The following BACE1 variants were observed in gnomAD, a reference collection of about 807,000 sequenced individuals.
BACE1 encodes APP beta-secretase.
Under a neutral mutation model 54.0 loss-of-function variants are expected in BACE1, and 21 were observed. The ratio of observed to expected loss-of-function variants is 0.39; its 90% CI spans 0.28 to 0.56. BACE1 has a LOEUF of 0.56. Ranked by LOEUF, BACE1 falls within the 20% of genes least tolerant of loss-of-function variation. BACE1 has a pLI of 0.63. For synonymous variants in BACE1, 232 were observed against 260.9 expected (o/e 0.89, Z 1.07); for missense variants, 511 against 661.2 (o/e 0.77, Z 2.49).
intron 5 of BACE1, 122 bp from the exon 6 acceptor site, chr11:117,291,935 G>T: frequency 1.6e-6 from 1 of 612,310 alleles, no homozygotes; most frequent in Admixed American, 2.5e-5. Flanking sequence ...CCTCCTAAGT[G>T]TACCTGCTTG....
At chr11:117,296,229 C>G (rs1216949341) in intron 2 of BACE1, among the ~76,000 whole-genome samples, 1 of 151,548 alleles carries the variant, frequency 6.6e-6, no homozygotes. Flanking sequence ...ATCTTAAAGC[C>G]CACTTCAACC....
chr11:117,310,321 A>G (rs553557459), intron 1 of BACE1, among the ~76,000 whole-genome samples: 17 of 152,188 alleles, frequency 1.1e-4, no homozygotes, highest in Non-Finnish European at 2.2e-4. Flanking sequence ...CATTCACTCA[A>G]TGTTTTTTAG....
At chr11:117,296,249 C>G (rs2034596068) in intron 2 of BACE1, among the ~76,000 whole-genome samples, 1 of 151,858 alleles carries the variant, frequency 6.6e-6, no homozygotes, top group Non-Finnish European at 1.5e-5. Context: ...CCCCCTTTCA[C>G]CAGTCCCCCA....
At chr11:117,312,596 G>A (rs928623845) in intron 1 of BACE1, among the ~76,000 whole-genome samples, 3 of 152,064 alleles carry the variant, frequency 2.0e-5, no homozygotes, top group African/African-American at 7.2e-5. Flanking sequence ...CCGAGTAGCT[G>A]GGATTATAGG....
intron 1 of BACE1, among the ~76,000 whole-genome samples, chr11:117,308,021 G>C (rs930803743): frequency 1.4e-5 from 2 of 139,092 alleles, no homozygotes; most frequent in African/African-American, 5.4e-5. Context: ...TAAAAGCAAA[G>C]TTATCCTGGG....
In BACE1 at chr11:117,296,964, G is replaced by C; in HGVS notation, c.262-3C>G. The stretch of plus-strand genomic sequence containing the variant: ...CCTGTATCCACCAGGATGTTGAGCT[G>C]TCAGAGAAAGGGGAGAGAAAAGACA... On this transcript the variant is annotated splice_region_variant and splice_polypyrimidine_tract_variant and intron_variant, in intron 1 of 8. Transcript: ENST00000313005. The C allele has an allele frequency of 6.2e-7, 1 of 1,612,440 alleles. No homozygotes were observed. Among genetic ancestry groups the C allele is most frequent in the Non-Finnish European group, 8.5e-7 (1 of 1,178,738 alleles).
intron 2 of BACE1, chr11:117,295,567 A>C: frequency 6.5e-7 from 1 of 1,535,506 alleles, no homozygotes; most frequent in Non-Finnish European, 8.7e-7. Flanking sequence ...TTGCTCTCCT[A>C]TCTATTGCTC....
intron 7 of BACE1, 22 bp from the exon 8 acceptor site, chr11:117,290,681 GT>G: frequency 6.2e-7 from 1 of 1,612,210 alleles, no homozygotes; most frequent in South Asian, 1.1e-5. Context: ...CAATCACAGG[GT>G]GAGTGTCTTC....
intron 2 of BACE1, among the ~76,000 whole-genome samples, chr11:117,296,183 C>G (rs1214749392): frequency 1.3e-5 from 2 of 152,104 alleles, no homozygotes; most frequent in Non-Finnish European, 2.9e-5. Flanking sequence ...TGCTTTTATG[C>G]TAAGGGGGCT....
intron 1 of BACE1, among the ~76,000 whole-genome samples, chr11:117,305,851 C>T (rs1375098516): frequency 1.3e-5 from 2 of 151,906 alleles, no homozygotes; most frequent in African/African-American, 2.4e-5. Flanking sequence ...CTGGCTAACA[C>T]GGTGAAACCC....
intron 1 of BACE1, among the ~76,000 whole-genome samples, chr11:117,313,330 T>C (rs2034997358): frequency 6.6e-6 from 1 of 152,248 alleles, no homozygotes; most frequent in Non-Finnish European, 1.5e-5. Context: ...AGGAAGGAAC[T>C]GACATTTATT....
rs537362914 is a variant in BACE1, at chr11:117,289,265, T to C, written c.*301A>G. Reference sequence around the variant, plus strand: ...TGGGTTGGAGAATTTAAAGGAATGGTGGACAAAGGTTCAGGGCTGAAGTTT... The same window carrying C: ...TGGGTTGGAGAATTTAAAGGAATGGCGGACAAAGGTTCAGGGCTGAAGTTT... On this transcript the variant is annotated 3_prime_UTR_variant, in exon 9 of 9. Transcript: ENST00000313005. The C allele has an allele frequency of 1.1e-4, 36 of 338,010 alleles. 2 individuals are homozygous for C. The highest frequency in any genetic ancestry group is 6.9e-4 in the African/African-American group (34 of 49,156). 20.9% of individuals were successfully genotyped at this position (338,010 alleles called of 1,614,324 possible).
At chr11:117,305,764 A>G (rs546808336) in intron 1 of BACE1, among the ~76,000 whole-genome samples, 112 of 152,126 alleles carry the variant, frequency 7.4e-4, no homozygotes, top group African/African-American at 2.3e-3. Flanking sequence ...AGCCGCGCGC[A>G]GTGGCTCACG....
Position 117,293,248 on chromosome 11 carries a change from A to C in BACE1, c.706-60T>G. 1 of 1,571,558 alleles carries C rather than the reference A, an allele frequency of 6.4e-7. No homozygotes were observed. On this transcript the variant is annotated intron_variant, in intron 4 of 8. Transcript: ENST00000313005. This position sits in a 1 kb window ranked among gnomAD's most constrained non-coding sequence, Gnocchi z 4.1. The stretch of plus-strand genomic sequence containing the variant: ...GCACAGAAGGAGAGTGAGTCCCCCA[A>C]GGACCAAGCAATAAGATCAGTGATT...
rs1296107820 is a variant in BACE1, at chr11:117,288,272, A to G, written c.*1294T>C. ...AGAGCCATAAAGCACTGTATTTCTC[A>G]TACTCTTGGTATAATGCTAGTGCCA... On this transcript the variant is annotated 3_prime_UTR_variant, in exon 9 of 9. Transcript: ENST00000313005. 3 of 152,252 alleles carry G rather than the reference A, an allele frequency of 2.0e-5. No individual in the cohort carries two copies. Among genetic ancestry groups the G allele is most frequent in the African/African-American group, 7.2e-5 (3 of 41,452 alleles). The allele number at this position is 152,252 out of a possible 1,614,324, so 9.4% of individuals were successfully genotyped here. A position where few individuals can be genotyped will look rare whatever the true frequency, so the allele number is the denominator to read the frequency against.
rs1565355289 is a variant in BACE1 at position 117,289,754 on chromosome 11, T to C, written c.1318A>G (p.Met440Val). 3 of 1,614,236 alleles carry C rather than the reference T, an allele frequency of 1.9e-6. No homozygotes were observed. The highest frequency in any genetic ancestry group is 4.5e-5 in the East Asian group (2 of 44,888). ...GGAATGTTGTAGCCACAGTCTTCCATGTCCAAGGTGACAAAAGGGCCTTCC... is the reference window on the plus strand; with the variant it reads ...GGAATGTTGTAGCCACAGTCTTCCACGTCCAAGGTGACAAAAGGGCCTTCC... ...AVEGPFVTLDMEDCGYNIPQT... is the reference protein window; with the variant it reads ...AVEGPFVTLDVEDCGYNIPQT... The change falls in exon 9 of 9, where the codon ATG becomes GTG. Residue 440 changes from methionine (M) to valine (V), a missense_variant. By Grantham distance (21) the Met-to-Val change is conservative. Coordinates refer to ENST00000313005, the MANE Select transcript of BACE1 (RefSeq NM_012104.6).
chr11:117,295,583 C>T, intron 2 of BACE1: 1 of 1,535,600 alleles, frequency 6.5e-7, no homozygotes, highest in South Asian at 1.2e-5. Context: ...TGCTCATATT[C>T]CTAGATCTTG....
At position 117,287,409 on chromosome 11, in the gene BACE1, A is replaced by G. The variant is rs2034292088; in HGVS notation, c.*2157T>C. On this transcript the variant is annotated 3_prime_UTR_variant, in exon 9 of 9. Transcript: ENST00000313005. ...GAATTTAAAAATACAGATGTATAATACATATTTTTACAAGCAAGAAGCTGT... is the reference window on the plus strand; with the variant it reads ...GAATTTAAAAATACAGATGTATAATGCATATTTTTACAAGCAAGAAGCTGT... 1 of 152,654 alleles carries G rather than the reference A, an allele frequency of 6.6e-6. No individual in the cohort carries two copies. 9.5% of individuals were successfully genotyped at this position (152,654 alleles called of 1,614,324 possible).
chr11:117,291,667 C>CT, intron 6 of BACE1, 45 bp downstream of exon 6: 2 of 1,412,540 alleles, frequency 1.4e-6, no homozygotes, highest in South Asian at 1.2e-5. Context: ...CCGCCTCCCT[C>CT]TGACACTGTA....
Sources: gnomAD v4.1 joint callset for allele counts (sites outside exome capture counted in the v4.1 genomes callset) on GRCh38, gnomAD v4.1.1 for gene constraint, Gnocchi (gnomAD v3.1) non-coding constraint, MANE v1.5 for transcripts, NCBI Gene and HGNC (gene_info 2026-07-23, HGNC 2026-07-21) for gene names.